TNRC6B: variants seen among roughly 807,000 people sequenced by gnomAD.
The protein encoded by TNRC6B is trinucleotide repeat-containing gene 6B protein.
Under a neutral mutation model 203.6 loss-of-function variants are expected in TNRC6B, and 52 were observed. That is an observed-to-expected ratio of 0.26 (90% CI 0.20 to 0.32). The LOEUF (loss-of-function observed/expected upper bound fraction) is 0.32. Among genes scored for constraint, TNRC6B ranks in the 10% least tolerant of loss-of-function variants. TNRC6B has a pLI of 1.00. For missense variants in TNRC6B, 1,923 were observed against 2,286.2 expected (o/e 0.84, Z 3.24); for synonymous variants, 838 against 845.7 (o/e 0.99, Z 0.16).
chr22:40,122,943 T>C (rs1055959140), intron 2 of TNRC6B, among the ~76,000 whole-genome samples: 4 of 152,188 alleles, frequency 2.6e-5, no homozygotes, highest in Non-Finnish European at 5.9e-5. Context: ...TTCGGGTCTG[T>C]TGGACTCTTC....
At chr22:40,050,346 A>G (rs1040497068) in intron 1 of TNRC6B, among the ~76,000 whole-genome samples, 10 of 151,998 alleles carry the variant, frequency 6.6e-5, no homozygotes. Context: ...GGCCTCCCCA[A>G]CCTTCTCTCA....
intron 3 of TNRC6B, among the ~76,000 whole-genome samples, chr22:40,138,288 C>T (rs1012758633): frequency 2.5e-4 from 38 of 152,078 alleles, no homozygotes; most frequent in African/African-American, 8.2e-4. Context: ...TTTTTTGAGA[C>T]GGAGTCTCGC....
chr22:40,322,270 A>G (rs778792073), intron 22 of TNRC6B, among the ~76,000 whole-genome samples: 4 of 152,240 alleles, frequency 2.6e-5, no homozygotes, highest in Non-Finnish European at 5.9e-5. Context: ...GATTTCTGTC[A>G]TATCTCCTGC....
chr22:40,100,234 G>A (rs775400053), intron 1 of TNRC6B, among the ~76,000 whole-genome samples: 58 of 151,952 alleles, frequency 3.8e-4, no homozygotes, highest in Non-Finnish European at 6.5e-4. Flanking sequence ...TTACAGGCCT[G>A]TGCCACCACA....
At chr22:40,320,337 G>A (rs929518807) in intron 21 of TNRC6B, among the ~76,000 whole-genome samples, 3 of 152,064 alleles carry the variant, frequency 2.0e-5, no homozygotes, top group Admixed American at 1.3e-4. Context: ...AAAATTAGCC[G>A]GGAGTTGTGG....
At chr22:40,058,660 G>A (rs538266262) in intron 1 of TNRC6B, among the ~76,000 whole-genome samples, 15 of 152,340 alleles carry the variant, frequency 9.8e-5, no homozygotes, top group South Asian at 4.1e-4. Context: ...GGTAACTGGA[G>A]GCTGGAGAGG....
chr22:40,320,038 G>T (rs1412787834), intron 21 of TNRC6B, among the ~76,000 whole-genome samples: 2 of 152,126 alleles, frequency 1.3e-5, no homozygotes, highest in Non-Finnish European at 1.5e-5. Context: ...ATCATTTTCT[G>T]CAAAGAACTA....
chr22:40,092,529 G>A (rs1361490891), intron 1 of TNRC6B, among the ~76,000 whole-genome samples: 8 of 152,100 alleles, frequency 5.3e-5, no homozygotes, highest in South Asian at 4.1e-4. Flanking sequence ...ATTAATTAGA[G>A]ATGGGTTGTT....
chr22:40,065,285 T>C (rs973445252), intron 1 of TNRC6B, among the ~76,000 whole-genome samples: 1 of 152,046 alleles, frequency 6.6e-6, no homozygotes. Context: ...TAGCTAAGAC[T>C]ACAGGTGTGT....
At chr22:40,230,696 T>C (rs2069858124) in intron 1 of TNRC6B, among the ~76,000 whole-genome samples, 1 of 152,310 alleles carries the variant, frequency 6.6e-6, no homozygotes, top group Admixed American at 6.5e-5. Context: ...TGGCTTAATC[T>C]TTTTATTCTC....
intron 1 of TNRC6B, among the ~76,000 whole-genome samples, chr22:40,190,119 A>G (rs1231042331): frequency 6.6e-6 from 1 of 152,152 alleles, no homozygotes; most frequent in Non-Finnish European, 1.5e-5. Flanking sequence ...TATTAGCCTC[A>G]CTCATAGGAA....
chr22:40,175,622 G>A (rs1490055746), upstream of TNRC6B, among the ~76,000 whole-genome samples: 1 of 152,218 alleles, frequency 6.6e-6, no homozygotes, highest in Non-Finnish European at 1.5e-5. Context: ...AATCGAGCCA[G>A]CTACAAGCAA....
intron 12 of TNRC6B, among the ~76,000 whole-genome samples, chr22:40,290,771 G>C (rs2146534464): frequency 6.6e-6 from 1 of 152,040 alleles, no homozygotes; most frequent in East Asian, 1.9e-4. Context: ...TGTGTTCACT[G>C]CTGGAGCCTG....
intron 1 of TNRC6B, among the ~76,000 whole-genome samples, chr22:40,228,211 T>A (rs971835794): frequency 3.3e-5 from 5 of 151,992 alleles, no homozygotes; most frequent in Admixed American, 3.3e-4. Context: ...GCGGATCGCC[T>A]GATGTTAGGA....
Position 40,323,127 on chromosome 22 carries a change from A to G in TNRC6B, c.5388A>G (p.Pro1796=), listed in dbSNP as rs2071360262. ...DLAGASLWGP[P]NYSSSLWGVP... The stretch of plus-strand genomic sequence containing the variant: ...CTGGCGCTTCATTGTGGGGGCCCCC[A>G]AACTATTCTTCTAGCTTATGGGGAG... Residue 1796 remains proline, a synonymous_variant, in exon 23 of 23, where the codon CCA becomes CCG. Coordinates refer to ENST00000454349, the MANE Select transcript of TNRC6B (RefSeq NM_001162501.2). The G allele has an allele frequency of 2.5e-6, 4 of 1,613,424 alleles. No individual in the cohort carries two copies. The highest frequency in any genetic ancestry group is 3.4e-6 in the Non-Finnish European group (4 of 1,179,668).
At chr22:40,111,314 C>A (rs1275157496) in intron 1 of TNRC6B, among the ~76,000 whole-genome samples, 2 of 151,486 alleles carry the variant, frequency 1.3e-5, no homozygotes, top group South Asian at 2.1e-4. Context: ...AGGGACCAGG[C>A]CTCGCCGACC....
At chr22:40,066,799 C>T (rs868446698) in intron 1 of TNRC6B, among the ~76,000 whole-genome samples, 10 of 151,904 alleles carry the variant, frequency 6.6e-5, no homozygotes, top group Middle Eastern at 3.4e-3. Flanking sequence ...GTGATAGTCT[C>T]CCTCCAACTT....
chr22:40,049,308 G>A (rs1462420797), intron 1 of TNRC6B, among the ~76,000 whole-genome samples: 2 of 151,736 alleles, frequency 1.3e-5, no homozygotes, highest in Admixed American at 6.6e-5. Flanking sequence ...ACACGGATGA[G>A]CCACCGTGCC....
chr22:40,256,755 TAGG>T (rs1429708719), intron 3 of TNRC6B, among the ~76,000 whole-genome samples: 1 of 151,768 alleles, frequency 6.6e-6, no homozygotes, highest in East Asian at 1.9e-4. Flanking sequence ...TGATCAAGAG[TAGG>T]AGAAGCCCAC....
Sources: gnomAD v4.1 joint callset for allele counts (sites outside exome capture counted in the v4.1 genomes callset) on GRCh38, gnomAD v4.1.1 for gene constraint, MANE v1.5 for transcripts, NCBI Gene and HGNC (gene_info 2026-07-23, HGNC 2026-07-21) for gene names.